The following RBFOX1 variants were observed in gnomAD, a reference collection of about 807,000 sequenced individuals.
RBFOX1 encodes the protein RNA binding fox-1 homolog 1.
RBFOX1 carries 8 observed loss-of-function variants against 57.7 expected under a neutral mutation model. The ratio of observed to expected loss-of-function variants is 0.14; its 90% CI spans 0.08 to 0.25. The LOEUF is 0.25. Among genes scored for constraint, RBFOX1 ranks in the 10% least tolerant of loss-of-function variants. The pLI is 1.00. For missense variants in RBFOX1, 611 were observed against 548.5 expected (o/e 1.11, Z -1.14); for synonymous variants, 326 against 222.4 (o/e 1.47, Z -4.15).
intron 2 of RBFOX1, among the ~76,000 whole-genome samples, chr16:6,506,679 G>T (rs112086023): frequency 2.5e-5 from 3 of 117,726 alleles, no homozygotes; most frequent in Non-Finnish European, 5.0e-5. Flanking sequence ...ATGGAGTCTC[G>T]CTTTGTCTCC....
At chr16:6,711,317 A>G (rs1033910419) in intron 3 of RBFOX1, among the ~76,000 whole-genome samples, 1 of 152,120 alleles carries the variant, frequency 6.6e-6, no homozygotes, top group Non-Finnish European at 1.5e-5. Context: ...TAAAAGAAAA[A>G]GTCCTTGAAA....
chr16:6,294,898 TAAA>T (rs958555990), intron 1 of RBFOX1, among the ~76,000 whole-genome samples: 1 of 152,068 alleles, frequency 6.6e-6, no homozygotes, highest in Non-Finnish European at 1.5e-5. Flanking sequence ...GACCAGCTGA[TAAA>T]AAAAGATACA....
intron 4 of RBFOX1, among the ~76,000 whole-genome samples, chr16:7,109,631 A>T (rs1329830943): frequency 6.6e-6 from 1 of 152,164 alleles, no homozygotes; most frequent in African/African-American, 2.4e-5. Context: ...AAAGGGCTCT[A>T]AGAGTAGAGA....
At chr16:5,797,091 G>A (rs1360397023) in intron 3 of RBFOX1, among the ~76,000 whole-genome samples, 2 of 152,174 alleles carry the variant, frequency 1.3e-5, no homozygotes, top group East Asian at 3.8e-4. Flanking sequence ...GATGGGGATG[G>A]TGAGGTCATC....
intron 3 of RBFOX1, among the ~76,000 whole-genome samples, chr16:6,806,540 G>T (rs1300702133): frequency 6.6e-6 from 1 of 151,926 alleles, no homozygotes; most frequent in African/African-American, 2.4e-5. Flanking sequence ...ATCTTACATG[G>T]ATAGTCTGTG....
Position 6,605,763 on chromosome 16 carries a change from C to T in RBFOX1, c.-63-48840C>T, listed in dbSNP as rs118032469. ...TGTGTTCGTGGAGGTTGCATTTAGACGGGCATTTCATTATGAAACAACACA... is the reference window on the plus strand; with the variant it reads ...TGTGTTCGTGGAGGTTGCATTTAGATGGGCATTTCATTATGAAACAACACA... On this transcript the variant is annotated intron_variant, in intron 2 of 15. Coordinates refer to ENST00000550418, the MANE Select transcript of RBFOX1 (RefSeq NM_018723.4). Among the ~76,000 whole-genome samples, 213 of 152,232 alleles carry T rather than the reference C, an allele frequency of 1.4e-3. 5 individuals carry two copies. The East Asian group carries it at 0.037, about 26-fold the overall frequency.
intron 4 of RBFOX1, among the ~76,000 whole-genome samples, chr16:7,254,490 C>T (rs1352283911): frequency 9.3e-6 from 1 of 107,846 alleles, no homozygotes; most frequent in Non-Finnish European, 2.1e-5. Flanking sequence ...TCCTGTCTCT[C>T]TCTCTCTCTT....
intron 2 of RBFOX1, among the ~76,000 whole-genome samples, chr16:5,528,392 T>C (rs1375067408): frequency 6.6e-6 from 1 of 152,092 alleles, no homozygotes; most frequent in Admixed American, 6.5e-5. Flanking sequence ...GTGTTGCACA[T>C]TTACGTTGTG....
intron 1 of RBFOX1, among the ~76,000 whole-genome samples, chr16:6,070,987 C>G (rs2095830253): frequency 1.3e-5 from 2 of 152,224 alleles, no homozygotes; most frequent in East Asian, 1.9e-4. Context: ...TTTCTATACC[C>G]TAGTCACTAA....
At chr16:5,377,761 A>T (rs2066024372) in intron 1 of RBFOX1, among the ~76,000 whole-genome samples, 1 of 151,426 alleles carries the variant, frequency 6.6e-6, no homozygotes. Context: ...ACTTGTCAAC[A>T]AGTCCTCTGA....
At chr16:7,468,457 G>GT (rs370402076) in intron 4 of RBFOX1, among the ~76,000 whole-genome samples, 50,997 of 133,328 alleles carry the variant, frequency 0.38, 10,242 homozygotes, top group Non-Finnish European at 0.47. Flanking sequence ...CTCGGAGGGT[G>GT]TTTTTTTTTT....
chr16:6,095,455 G>C (rs191633220), intron 1 of RBFOX1, among the ~76,000 whole-genome samples: 230 of 152,252 alleles, frequency 1.5e-3, no homozygotes, highest in African/African-American at 5.2e-3. Flanking sequence ...TTGCAGGTCA[G>C]ACAGTCCCAG....
chr16:7,400,263 C>T (rs891943514), intron 4 of RBFOX1, among the ~76,000 whole-genome samples: 16 of 152,244 alleles, frequency 1.1e-4, no homozygotes, highest in African/African-American at 3.9e-4. Flanking sequence ...ACAGAGATTC[C>T]GATTCTGTAG....
intron 14 of RBFOX1, among the ~76,000 whole-genome samples, chr16:7,708,040 C>T (rs376948081): frequency 2.0e-5 from 3 of 152,232 alleles, no homozygotes; most frequent in East Asian, 1.9e-4. Context: ...GCAAGTTGCC[C>T]TAAGAGATTC....
intron 4 of RBFOX1, among the ~76,000 whole-genome samples, chr16:7,438,354 G>A (rs1412720082): frequency 6.6e-6 from 1 of 151,970 alleles, no homozygotes; most frequent in Non-Finnish European, 1.5e-5. Flanking sequence ...CCATGGTTTG[G>A]GTCCTCTGGG....
chr16:7,543,869 C>T (rs1190653898), intron 5 of RBFOX1, among the ~76,000 whole-genome samples: 1 of 143,402 alleles, frequency 7.0e-6, no homozygotes, highest in Non-Finnish European at 1.5e-5. Flanking sequence ...TATAGGCACG[C>T]ACCACCACGC....
intron 4 of RBFOX1, among the ~76,000 whole-genome samples, chr16:7,376,054 G>A (rs888628404): frequency 2.0e-5 from 3 of 152,050 alleles, no homozygotes; most frequent in South Asian, 2.1e-4. Context: ...ATTTTTTATT[G>A]TTCTGAAAAG....
intron 4 of RBFOX1, among the ~76,000 whole-genome samples, chr16:5,974,036 G>C (rs763368570): frequency 1.8e-4 from 27 of 152,188 alleles, no homozygotes; most frequent in Non-Finnish European, 2.9e-4. Context: ...AAATAGAGAT[G>C]ATCATCGTAT....
At chr16:6,237,517 G>C (rs2097514358) in intron 1 of RBFOX1, among the ~76,000 whole-genome samples, 1 of 152,170 alleles carries the variant, frequency 6.6e-6, no homozygotes, top group East Asian at 1.9e-4. Flanking sequence ...GCCAACACAG[G>C]TGGATTACGA....
Sources: allele counts gnomAD v4.1 joint callset (sites outside exome capture counted in the v4.1 genomes callset), GRCh38; gene constraint gnomAD v4.1.1; transcripts MANE v1.5; gene names NCBI Gene and HGNC (gene_info 2026-07-23, HGNC 2026-07-21).